The following EIF4G3 variants were observed in gnomAD, a reference collection of about 807,000 sequenced individuals.
EIF4G3 encodes eukaryotic translation initiation factor 4 gamma 3.
EIF4G3 carries 34 observed loss-of-function variants against 186.4 expected under a neutral mutation model. The ratio of observed to expected loss-of-function variants is 0.18; its 90% CI spans 0.14 to 0.24. EIF4G3 has a LOEUF of 0.24. Ranked by LOEUF, EIF4G3 falls within the 10% of genes least tolerant of loss-of-function variation. The pLI is 1.00. For synonymous variants in EIF4G3, 673 were observed against 679.5 expected, an observed-to-expected ratio of 0.99 and a Z score of 0.15; for missense variants, 1,536 against 1,948.5, an observed-to-expected ratio of 0.79 and a Z score of 3.99.
chr1:20,830,870 G>T (rs2064970032), intron 30 of EIF4G3, among the ~76,000 whole-genome samples: 1 of 151,770 alleles, frequency 6.6e-6, no homozygotes, highest in Non-Finnish European at 1.5e-5. Flanking sequence ...TTTTTTTCAG[G>T]TTTACAGTTC....
chr1:21,130,629 A>C (rs2097136052), intron 2 of EIF4G3, among the ~76,000 whole-genome samples: 1 of 152,120 alleles, frequency 6.6e-6, no homozygotes, highest in South Asian at 2.1e-4. Context: ...TCTTCTATAC[A>C]ATGTTCAACG....
chr1:20,878,177 T>C (rs77930333), intron 20 of EIF4G3, among the ~76,000 whole-genome samples: 15,956 of 152,230 alleles, frequency 0.1, 1,143 homozygotes, highest in East Asian at 0.33. Flanking sequence ...TGGAATTTAA[T>C]TTTAAACTTT....
intron 13 of EIF4G3, among the ~76,000 whole-genome samples, chr1:20,945,778 T>A (rs1225325375): frequency 6.6e-6 from 1 of 152,186 alleles, no homozygotes; most frequent in African/African-American, 2.4e-5. Flanking sequence ...AGCCACTGCA[T>A]CTGGCAAGAA....
rs150365381 is a variant in EIF4G3, at chr1:21,040,525, G to T, written c.-67+10341C>A. Among the ~76,000 whole-genome samples the T allele has an allele frequency of 3.5e-3, 526 of 152,312 alleles. 2 individuals are homozygous for T. The highest frequency in any genetic ancestry group is 6.8e-3 in the Middle Eastern group (2 of 294). ...CCAAATTGAAGCCAGTCAGTCAAAA[G>T]TTCCAGAGGCCGGGACGTATGGCTG... On this transcript the variant is annotated intron_variant, in intron 4 of 36. Transcript: ENST00000602326.
chr1:21,042,480 C>G (rs1241154823), intron 4 of EIF4G3, among the ~76,000 whole-genome samples: 1 of 152,036 alleles, frequency 6.6e-6, no homozygotes, highest in African/African-American at 2.4e-5. Flanking sequence ...ATTCACAGTT[C>G]TTAGTTCTAT....
chr1:21,051,907 T>G (rs566504716), intron 3 of EIF4G3, among the ~76,000 whole-genome samples: 93 of 152,014 alleles, frequency 6.1e-4, no homozygotes, highest in Non-Finnish European at 1.2e-3. Context: ...TAAATATACA[T>G]ATACATACAC....
intron 4 of EIF4G3, among the ~76,000 whole-genome samples, chr1:21,022,444 CAT>C (rs1400671282): frequency 6.6e-6 from 1 of 152,206 alleles, no homozygotes; most frequent in South Asian, 2.1e-4. Context: ...CACACTGAAT[CAT>C]ATGAGACAGG....
At chr1:21,025,173 AG>A (rs2091879156) in intron 4 of EIF4G3, among the ~76,000 whole-genome samples, 1 of 152,220 alleles carries the variant, frequency 6.6e-6, no homozygotes, top group South Asian at 2.1e-4. Flanking sequence ...GCCAGAGAAT[AG>A]AAGTGCATGA....
At chr1:21,055,505 C>T (rs1226521257) in intron 3 of EIF4G3, among the ~76,000 whole-genome samples, 3 of 151,978 alleles carry the variant, frequency 2.0e-5, no homozygotes, top group Admixed American at 6.6e-5. Context: ...AAAATCTTTG[C>T]CCCATTATTG....
chr1:21,083,276 T>C (rs926990429), intron 3 of EIF4G3, among the ~76,000 whole-genome samples: 5 of 152,200 alleles, frequency 3.3e-5, no homozygotes, highest in African/African-American at 9.6e-5. Context: ...ACTATCACAC[T>C]TTAAGGTAAC....
chr1:20,821,604 T>A (rs2062368446), intron 33 of EIF4G3, among the ~76,000 whole-genome samples: 1 of 152,184 alleles, frequency 6.6e-6, no homozygotes, highest in Non-Finnish European at 1.5e-5. Flanking sequence ...CCCTATTATG[T>A]ATACATCACC....
chr1:21,113,591 G>A (rs114793792), intron 2 of EIF4G3, among the ~76,000 whole-genome samples: 1 of 151,920 alleles, frequency 6.6e-6, no homozygotes, highest in South Asian at 2.1e-4. Context: ...AAAATCAACT[G>A]GTCTATACTG....
At chr1:20,965,487 A>T (rs2154565024) in intron 12 of EIF4G3, among the ~76,000 whole-genome samples, 1 of 152,276 alleles carries the variant, frequency 6.6e-6, no homozygotes, top group African/African-American at 2.4e-5. Flanking sequence ...TTATATGGTC[A>T]TCCTTTTTAG....
chr1:20,909,025 G>A (rs938874064), intron 14 of EIF4G3, among the ~76,000 whole-genome samples: 1 of 151,986 alleles, frequency 6.6e-6, no homozygotes, highest in South Asian at 2.1e-4. Context: ...GGTGGCATGT[G>A]CCTGTAATCC....
chr1:20,812,193 C>T (rs938905282), intron 35 of EIF4G3, among the ~76,000 whole-genome samples: 2 of 152,092 alleles, frequency 1.3e-5, no homozygotes, highest in African/African-American at 4.8e-5. Flanking sequence ...GAGGCTGAGG[C>T]GATAGGATCC....
At chr1:20,876,777 C>T (rs549193389) in intron 20 of EIF4G3, among the ~76,000 whole-genome samples, 4 of 152,226 alleles carry the variant, frequency 2.6e-5, no homozygotes, top group African/African-American at 9.6e-5. Flanking sequence ...GGGAAGAGCA[C>T]TTGAGCCTAG....
At chr1:21,000,515 C>T (rs1211584182) in intron 6 of EIF4G3, among the ~76,000 whole-genome samples, 3 of 151,716 alleles carry the variant, frequency 2.0e-5, no homozygotes, top group Non-Finnish European at 4.4e-5. Flanking sequence ...ATGGATGAGA[C>T]TAGACTATGA....
chr1:20,950,460 A>G (rs2096160259), intron 12 of EIF4G3, among the ~76,000 whole-genome samples: 2 of 152,172 alleles, frequency 1.3e-5, no homozygotes, highest in South Asian at 4.1e-4. Context: ...CTGAGAAGGA[A>G]TTTAACACCC....
intron 19 of EIF4G3, among the ~76,000 whole-genome samples, chr1:20,883,704 AT>A (rs2083169753): frequency 6.6e-6 from 1 of 152,196 alleles, no homozygotes; most frequent in Admixed American, 6.5e-5. Context: ...AAGAAAAAAA[AT>A]AAAGTAGATA....
Sources: allele counts gnomAD v4.1 joint callset (sites outside exome capture counted in the v4.1 genomes callset), GRCh38; gene constraint gnomAD v4.1.1; transcripts MANE v1.5; gene names NCBI Gene and HGNC (gene_info 2026-07-23, HGNC 2026-07-21).